The following KIAA0319L variants were observed in gnomAD, a reference collection of about 807,000 sequenced individuals.
The protein encoded by KIAA0319L is KIAA0319 like.
A neutral mutation model predicts 120.1 loss-of-function variants in KIAA0319L; 55 were observed. The observed-to-expected ratio is 0.46, with a 90% CI of 0.37 to 0.57. The LOEUF is 0.57. Ranked by LOEUF, KIAA0319L falls within the 20% of genes least tolerant of loss-of-function variation. The pLI is 0.00. For missense variants in KIAA0319L, 1,049 were observed against 1,255.3 expected (o/e 0.84, Z 2.48); for synonymous variants, 398 against 471.9 (o/e 0.84, Z 2.03).
intron 1 of KIAA0319L, among the ~76,000 whole-genome samples, chr1:35,555,956 A>G (rs1647944578): frequency 6.6e-6 from 1 of 152,246 alleles, no homozygotes; most frequent in Non-Finnish European, 1.5e-5. Context: ...ATTTCATTTG[A>G]ACTCCTAACC....
chr1:35,545,460 C>T (rs1423038666), intron 2 of KIAA0319L, among the ~76,000 whole-genome samples: 3 of 152,158 alleles, frequency 2.0e-5, no homozygotes, highest in Non-Finnish European at 4.4e-5. Flanking sequence ...GAGAAGTCCA[C>T]ACCAGGGGTC....
At chr1:35,490,892 A>G (rs1383529687) in intron 3 of KIAA0319L, among the ~76,000 whole-genome samples, 1 of 152,124 alleles carries the variant, frequency 6.6e-6, no homozygotes, top group Non-Finnish European at 1.5e-5. Context: ...AGTGTGTGGC[A>G]CTTCCCACTT....
chr1:35,548,902 T>C (rs1213312276), intron 2 of KIAA0319L, among the ~76,000 whole-genome samples: 2 of 152,218 alleles, frequency 1.3e-5, no homozygotes, highest in East Asian at 3.8e-4. Context: ...GAATACCCTT[T>C]GAATCCTTCA....
chr1:35,472,996 G>A (rs1643719177), intron 5 of KIAA0319L, among the ~76,000 whole-genome samples: 1 of 147,552 alleles, frequency 6.8e-6, no homozygotes, highest in Admixed American at 6.8e-5. Context: ...GGCCAGGCTG[G>A]TCTTGAACTC....
chr1:35,450,065 C>A, intron 14 of KIAA0319L, 60 bp from the exon 15 acceptor site: 1 of 1,597,356 alleles, frequency 6.3e-7, no homozygotes, highest in South Asian at 1.1e-5. Context: ...TTCCTGGAGT[C>A]AGTTGCTGCT....
chr1:35,526,128 CA>C (rs1167067355), intron 2 of KIAA0319L, among the ~76,000 whole-genome samples: 1 of 151,768 alleles, frequency 6.6e-6, no homozygotes, highest in Admixed American at 6.6e-5. Context: ...GCACCTCTGT[CA>C]AAAATCAATT....
chr1:35,449,850 T>A lies in KIAA0319L; in HGVS notation c.2353+17A>T. ...GATTCAGCAATTCTACTCAGCCTCATCACTAAATGAACTCACCAGGTTTCA... is the reference window on the plus strand; with the variant it reads ...GATTCAGCAATTCTACTCAGCCTCAACACTAAATGAACTCACCAGGTTTCA... On this transcript the variant is annotated intron_variant, in intron 15 of 20. Transcript: ENST00000325722. The A allele has an allele frequency of 6.2e-7, 1 of 1,613,648 alleles. No individual in the cohort carries two copies. The highest frequency in any genetic ancestry group is 8.5e-7 in the Non-Finnish European group (1 of 1,179,886).
rs1558240627 is a variant in KIAA0319L at position 35,434,990 on chromosome 1, G to C, written c.3054C>G (p.Asp1018Glu). The change falls in exon 21 of 21, where the codon GAC (aspartate) becomes GAG (glutamate). Residue 1018 changes from aspartate (D) to glutamate (E), a missense_variant. Physicochemically the swap from Asp to Glu is conservative, Grantham distance 45. Transcript: ENST00000325722. ...DSDDAIFTWP[D>E]REKGKLLHGQ... ...CATGCAGGAGTTTGCCCTTCTCTCGGTCTGGCCATGTAAAGATGGCATCAT... is the reference window on the plus strand; with the variant it reads ...CATGCAGGAGTTTGCCCTTCTCTCGCTCTGGCCATGTAAAGATGGCATCAT... The C allele has an allele frequency of 6.2e-7, 1 of 1,614,192 alleles. No homozygotes were observed. The highest frequency in any genetic ancestry group is 1.1e-5 in the South Asian group (1 of 91,084).
chr1:35,543,562 C>T (rs1349801219), intron 2 of KIAA0319L, among the ~76,000 whole-genome samples: 1 of 152,210 alleles, frequency 6.6e-6, no homozygotes, highest in Admixed American at 6.5e-5. Flanking sequence ...ATATACCATT[C>T]TCTTAAAGGA....
intron 4 of KIAA0319L, among the ~76,000 whole-genome samples, chr1:35,477,659 T>A (rs1258403116): frequency 8.3e-6 from 1 of 121,048 alleles, no homozygotes; most frequent in African/African-American, 3.7e-5. Context: ...AGAGTGAGAC[T>A]CTGTCTCAAA....
intron 2 of KIAA0319L, among the ~76,000 whole-genome samples, chr1:35,545,768 G>A (rs1234166616): frequency 1.3e-5 from 2 of 152,092 alleles, no homozygotes; most frequent in African/African-American, 4.8e-5. Flanking sequence ...GGTGGCAGGT[G>A]CCTGTAATCC....
At chr1:35,456,762 G>C (rs571400579) in intron 9 of KIAA0319L, among the ~76,000 whole-genome samples, 2 of 151,380 alleles carry the variant, frequency 1.3e-5, no homozygotes, top group African/African-American at 4.9e-5. Context: ...AGTGAGCTGT[G>C]ATTGCACCAC....
At chr1:35,534,550 C>T (rs1348758374) in intron 2 of KIAA0319L, among the ~76,000 whole-genome samples, 1 of 152,110 alleles carries the variant, frequency 6.6e-6, no homozygotes, top group Admixed American at 6.6e-5. Flanking sequence ...TGGATTGTGA[C>T]AAACTGTTGA....
chr1:35,536,515 C>T (rs1360143619), intron 2 of KIAA0319L, among the ~76,000 whole-genome samples: 3 of 152,194 alleles, frequency 2.0e-5, no homozygotes, highest in Non-Finnish European at 4.4e-5. Context: ...ATTCACCTTC[C>T]CTTGTCCTGA....
At chr1:35,484,932 T>C (rs1323043829) in intron 3 of KIAA0319L, among the ~76,000 whole-genome samples, 3 of 149,080 alleles carry the variant, frequency 2.0e-5, no homozygotes, top group Non-Finnish European at 4.5e-5. Flanking sequence ...ATTAGGTATA[T>C]CTCCCAATGC....
rs543057093 is a variant in KIAA0319L, at chr1:35,541,360, T to G, written c.142+12990A>C. On this transcript the variant is annotated intron_variant, in intron 2 of 20. Transcript: ENST00000325722. ...TTTTTTTTTTTTTCCTTTTTTTTTT[T>G]TTTTTTTGAGATGGAATCTAACTCT... is the stretch of plus-strand genomic sequence containing the variant. 6.1e-3 allele frequency among the ~76,000 whole-genome samples: 894 copies of G among 146,758 alleles called. 5 individuals carry two copies. The highest frequency in any genetic ancestry group is 0.01 in the Middle Eastern group (3 of 288).
intron 5 of KIAA0319L, 135 bp from the exon 6 acceptor site, chr1:35,471,095 T>C (rs1435085012): frequency 1.6e-6 from 1 of 637,838 alleles, no homozygotes; most frequent in Non-Finnish European, 2.8e-6. Flanking sequence ...CCAAAGCCTG[T>C]AGGGAAACCA....
intron 2 of KIAA0319L, among the ~76,000 whole-genome samples, chr1:35,551,478 C>T (rs898673195): frequency 2.0e-5 from 3 of 152,010 alleles, no homozygotes; most frequent in Non-Finnish European, 2.9e-5. Context: ...CCATCACGCC[C>T]GGCTAATTTT....
rs143156063 is a variant in KIAA0319L, at chr1:35,523,305, G to A, written c.143-16170C>T. On this transcript the variant is annotated intron_variant, in intron 2 of 20. Coordinates refer to ENST00000325722, the MANE Select transcript of KIAA0319L (RefSeq NM_024874.5). Reference sequence around the variant, plus strand: ...ACTACACTGTAACCTCCAGGACCATGTTTGGTTTTCCATCTTCTTTTATTC... The same window carrying A: ...ACTACACTGTAACCTCCAGGACCATATTTGGTTTTCCATCTTCTTTTATTC... Among the ~76,000 whole-genome samples, 54 of 152,262 alleles carry A rather than the reference G, an allele frequency of 3.5e-4. No homozygotes were observed. The South Asian group carries it at 3.9e-3, about 11-fold the overall frequency.
Sources: allele counts gnomAD v4.1 joint callset (sites outside exome capture counted in the v4.1 genomes callset), GRCh38; gene constraint gnomAD v4.1.1; transcripts MANE v1.5; gene names NCBI Gene and HGNC (gene_info 2026-07-23, HGNC 2026-07-21).